The following IQGAP2 variants were observed in gnomAD, a reference collection of about 807,000 sequenced individuals.
IQGAP2 encodes the protein IQ motif containing GTPase activating protein 2.
Under a neutral mutation model 201.3 loss-of-function variants are expected in IQGAP2, and 173 were observed. That is an observed-to-expected ratio of 0.86 (90% CI 0.76 to 0.98). The LOEUF is 0.98. IQGAP2 is among the 50% of genes least tolerant of loss of function. The pLI is 0.00. For synonymous variants in IQGAP2, 675 were observed against 673.9 expected, an observed-to-expected ratio of 1.00 and a Z score of -0.03; for missense variants, 1,687 against 1,864.8, an observed-to-expected ratio of 0.90 and a Z score of 1.76.
At chr5:76,502,016 C>T (rs1047987263) in intron 2 of IQGAP2, among the ~76,000 whole-genome samples, 4 of 152,180 alleles carry the variant, frequency 2.6e-5, no homozygotes, top group African/African-American at 4.8e-5. Context: ...GGAAGCCACT[C>T]TCCTCCTTTG....
At chr5:76,440,658 C>T (rs978337302) in intron 1 of IQGAP2, among the ~76,000 whole-genome samples, 1 of 152,154 alleles carries the variant, frequency 6.6e-6, no homozygotes, top group East Asian at 1.9e-4. Flanking sequence ...CTAGGCTGGC[C>T]AAGTTGACAG....
At chr5:76,567,082 A>T (rs533046751) in intron 3 of IQGAP2, among the ~76,000 whole-genome samples, 1 of 152,332 alleles carries the variant, frequency 6.6e-6, no homozygotes, top group African/African-American at 2.4e-5. Flanking sequence ...TCAAATAGGT[A>T]GGTGTGCCTT....
chr5:76,507,955 A>G (rs951451670), intron 2 of IQGAP2, among the ~76,000 whole-genome samples: 10 of 146,164 alleles, frequency 6.8e-5, no homozygotes, highest in Non-Finnish European at 1.0e-4. Flanking sequence ...GTGAGCCAAG[A>G]TCGCGCCACT....
rs12735 is a variant in IQGAP2 at position 76,707,657 on chromosome 5, A to G, written c.*344A>G. ...GTAAACCTATTTTCCTATGAAAAAA[A>G]TTTTAAATGTCCCACTTGAATAACG... On this transcript the variant is annotated 3_prime_UTR_variant, in exon 36 of 36. Transcript: ENST00000274364. The G allele has an allele frequency of 0.24, 42,636 of 175,728 alleles. 5,450 individuals carry two copies. Among genetic ancestry groups the G allele is most frequent in the South Asian group, 0.38 (2,244 of 5,848 alleles). 10.9% of individuals were successfully genotyped at this position (175,728 alleles called of 1,614,324 possible).
intron 1 of IQGAP2, among the ~76,000 whole-genome samples, chr5:76,427,403 T>A (rs183982696): frequency 6.6e-6 from 1 of 152,296 alleles, no homozygotes; most frequent in East Asian, 1.9e-4. Flanking sequence ...ACTTTCATGC[T>A]CTTGGATTTG....
chr5:76,640,953 A>G lies in IQGAP2; in HGVS notation c.1944A>G (p.Thr648=), dbSNP rs768437827. 7 of 1,594,694 alleles carry G rather than the reference A, an allele frequency of 4.4e-6. No homozygotes were observed. Among genetic ancestry groups the G allele is most frequent in the Admixed American group, 1.7e-5 (1 of 59,532 alleles). ...KEIEDIIEEV[T]VGYIRENIWS... is the part of the protein sequence containing the mutation. ...GCCAGGACATTATTGAGGAAGTCAC[A>G]GTAGGTTACATTCGTGAGAATATAT... Residue 648 remains threonine (T), a synonymous_variant, in exon 17 of 36, where the codon ACA becomes ACG. Transcript: ENST00000274364.
chr5:76,472,256 G>C (rs13184383), intron 2 of IQGAP2, among the ~76,000 whole-genome samples: 29,877 of 152,182 alleles, frequency 0.2, 3,089 homozygotes, highest in Middle Eastern at 0.3. Context: ...ACTTGTCCAG[G>C]GTAGCTTGGC....
intron 13 of IQGAP2, among the ~76,000 whole-genome samples, chr5:76,620,191 G>T (rs186903847): frequency 1.3e-5 from 2 of 152,308 alleles, no homozygotes; most frequent in East Asian, 3.9e-4. Flanking sequence ...TTTTTAAGAT[G>T]ACTTAGGTAA....
At chr5:76,536,728 C>T (rs1426682508) in intron 2 of IQGAP2, among the ~76,000 whole-genome samples, 1 of 151,260 alleles carries the variant, frequency 6.6e-6, no homozygotes, top group Non-Finnish European at 1.5e-5. Flanking sequence ...CCATTGCACT[C>T]CAGCTTGGGC....
At chr5:76,419,361 T>G (rs6878741) in intron 1 of IQGAP2, among the ~76,000 whole-genome samples, 123,001 of 151,906 alleles carry the variant, frequency 0.81, 50,710 homozygotes, top group East Asian at 1. Context: ...TTGTTTTATG[T>G]AGTCTCACTC....
rs189501812 is a variant in IQGAP2 at position 76,697,994 on chromosome 5, G to A, written c.4214G>A (p.Arg1405Gln). 72 of 1,609,480 alleles carry A rather than the reference G, an allele frequency of 4.5e-5. No individual in the cohort carries two copies. The highest frequency in any genetic ancestry group is 2.5e-4 in the East Asian group (11 of 44,696). Residue 1405 changes from arginine (R) to glutamine (Q), a missense_variant, in exon 33 of 36, where the codon CGA (arginine) becomes CAA (glutamine). Transcript: ENST00000274364. ...DILNEIAKDI[R>Q]NQRIYRKLRK... is the part of the protein sequence containing the mutation. ...CCTTACTTGTTGTTTTAGGATATTC[G>A]AAATCAAAGAATCTATCGTAAGCTT...
chr5:76,412,440 A>G (rs909032382), intron 1 of IQGAP2, among the ~76,000 whole-genome samples: 2 of 152,170 alleles, frequency 1.3e-5, no homozygotes, highest in Admixed American at 6.5e-5. Context: ...AGCTGGGACT[A>G]CAGGTGTGTA....
At chr5:76,652,912 A>G (rs771332430) in intron 18 of IQGAP2, 79 bp downstream of exon 18, 17 of 935,196 alleles carry the variant, frequency 1.8e-5, no homozygotes, top group Admixed American at 8.9e-5. Flanking sequence ...AAAGACAGCT[A>G]TAGAAAGGGA....
chr5:76,507,949 G>C (rs550132732), intron 2 of IQGAP2, among the ~76,000 whole-genome samples: 2 of 142,230 alleles, frequency 1.4e-5, no homozygotes, highest in East Asian at 4.0e-4. Flanking sequence ...GTTGCAGTGA[G>C]CCAAGATCGC....
intron 2 of IQGAP2, among the ~76,000 whole-genome samples, chr5:76,524,514 C>T (rs368118426): frequency 1.3e-5 from 2 of 152,108 alleles, no homozygotes; most frequent in South Asian, 2.1e-4. Flanking sequence ...GAAGAGAAGG[C>T]AGTGTTGGCT....
intron 17 of IQGAP2, among the ~76,000 whole-genome samples, chr5:76,643,395 C>G (rs987983418): frequency 1.3e-5 from 2 of 152,172 alleles, no homozygotes; most frequent in Non-Finnish European, 2.9e-5. Context: ...ACTAAAAACA[C>G]ACTTTCTCAT....
At chr5:76,444,793 A>G (rs2150108375) in intron 1 of IQGAP2, among the ~76,000 whole-genome samples, 1 of 152,318 alleles carries the variant, frequency 6.6e-6, no homozygotes, top group Non-Finnish European at 1.5e-5. Context: ...TTCCTGCCAA[A>G]TCTAGAACCT....
chr5:76,625,420 A>G (rs1260556449), intron 13 of IQGAP2, among the ~76,000 whole-genome samples: 28 of 152,196 alleles, frequency 1.8e-4, no homozygotes, highest in Admixed American at 1.8e-3. Flanking sequence ...TTGTAAACAG[A>G]GAAAAATTAG....
At chr5:76,525,181 T>C (rs1758899259) in intron 2 of IQGAP2, among the ~76,000 whole-genome samples, 1 of 152,234 alleles carries the variant, frequency 6.6e-6, no homozygotes, top group Non-Finnish European at 1.5e-5. Flanking sequence ...TTGGCATCCC[T>C]CTCTGGATTA....
Sources: allele counts gnomAD v4.1 joint callset (sites outside exome capture counted in the v4.1 genomes callset), GRCh38; gene constraint gnomAD v4.1.1; transcripts MANE v1.5; gene names NCBI Gene and HGNC (gene_info 2026-07-23, HGNC 2026-07-21).